The following ZFPM1 variants were observed in gnomAD, a reference collection of about 807,000 sequenced individuals.
The protein encoded by ZFPM1 is zinc finger protein, FOG family member 1, also known as zinc finger protein ZFPM1.
Under a neutral mutation model 46.3 loss-of-function variants are expected in ZFPM1, and 28 were observed. That is an observed-to-expected ratio of 0.60 (90% CI 0.45 to 0.83). The LOEUF is 0.83. ZFPM1 is among the 40% of genes least tolerant of loss of function. The pLI is 0.00. For synonymous variants in ZFPM1, 957 were observed against 675.9 expected, an observed-to-expected ratio of 1.42 and a Z score of -6.45; for missense variants, 1,878 against 1,432.4, an observed-to-expected ratio of 1.31 and a Z score of -5.02.
In ZFPM1 at chr16:88,534,656, C is replaced by T; in HGVS notation, c.2698C>T (p.Pro900Ser). ...VEARTPADRG[P>S]SPAPAPAASP... Reference sequence around the variant, plus strand: ...GGCCCGGACGCCGGCCGACCGCGGCCCCTCGCCCGCTCCCGCCCCCGCCGC... The same window carrying T: ...GGCCCGGACGCCGGCCGACCGCGGCTCCTCGCCCGCTCCCGCCCCCGCCGC... Residue 900 changes from proline (P) to serine (S), a missense_variant, in exon 10 of 10, where the codon CCC becomes TCC. Coordinates refer to ENST00000319555, the MANE Select transcript of ZFPM1 (RefSeq NM_153813.3). 3.0e-6 allele frequency: 3 copies of T among 1,010,672 alleles called. No individual in the cohort carries two copies. The East Asian group carries it at 3.0e-4, about 102-fold the overall frequency. The allele number at this position is 1,010,672 out of a possible 1,614,324, so 62.6% of individuals were successfully genotyped here.
rs114818663 is a variant in ZFPM1 at position 88,471,698 on chromosome 16, C to G, written c.41-14241C>G. Reference sequence around the variant, plus strand: ...CACACACAGTGGAGGGGTCAGGGCTCCCGGCTCTAAAGCCACATGGCCTGG... The same window carrying G: ...CACACACAGTGGAGGGGTCAGGGCTGCCGGCTCTAAAGCCACATGGCCTGG... On this transcript the variant is annotated intron_variant, in intron 1 of 9. Transcript: ENST00000319555. This position sits in a 1 kb window ranked among gnomAD's most constrained non-coding sequence, Gnocchi z 4.1. Among the ~76,000 whole-genome samples, 763 of 152,366 alleles carry G rather than the reference C, an allele frequency of 5.0e-3. 6 individuals carry two copies. Among genetic ancestry groups the G allele is most frequent in the African/African-American group, 0.017 (715 of 41,582 alleles).
At position 88,532,554 on chromosome 16, in the gene ZFPM1, T is replaced by A. The variant is rs1303486601; in HGVS notation, c.947-60T>A. The A allele has an allele frequency of 2.0e-6, 3 of 1,516,074 alleles. No individual in the cohort carries two copies. The African/African-American group carries it at 4.1e-5, about 21-fold the overall frequency. The allele number at this position is 1,516,074 out of a possible 1,614,324, so 93.9% of individuals were successfully genotyped here. On this transcript the variant is annotated intron_variant, in intron 7 of 9. Coordinates refer to ENST00000319555, the MANE Select transcript of ZFPM1 (RefSeq NM_153813.3). The stretch of plus-strand genomic sequence containing the variant: ...GCCCTGGGCCCAGTCGCCTTCCTCA[T>A]CCCTGGAGTCCCAAGGTTAAGCTGG...
chr16:88,523,931 G>A (rs1223560834), intron 4 of ZFPM1, among the ~76,000 whole-genome samples: 1 of 152,310 alleles, frequency 6.6e-6, no homozygotes, highest in South Asian at 2.1e-4. Flanking sequence ...CGGGAACATG[G>A]CGCCTGCCCT....
intron 1 of ZFPM1, among the ~76,000 whole-genome samples, chr16:88,485,315 C>G (rs1909158806): frequency 6.6e-6 from 1 of 152,148 alleles, no homozygotes; most frequent in African/African-American, 2.4e-5. Context: ...CGGCCCTTCT[C>G]TGGCAAGAGT....
At chr16:88,453,097 G>A (rs955061907), upstream of ZFPM1, among the ~76,000 whole-genome samples, 1 of 150,478 alleles carries the variant, frequency 6.6e-6, no homozygotes, top group Non-Finnish European at 1.5e-5. Flanking sequence ...CGCGGTCGCG[G>A]CTCTGGGGGC....
intron 1 of ZFPM1, among the ~76,000 whole-genome samples, chr16:88,461,219 G>A (rs1907864957): frequency 7.2e-6 from 1 of 138,554 alleles, no homozygotes; most frequent in African/African-American, 3.1e-5. Context: ...AGGGGCGGGA[G>A]GCCTGGTGAG....
chr16:88,483,407 C>A (rs1468435032), intron 1 of ZFPM1, among the ~76,000 whole-genome samples: 1 of 152,168 alleles, frequency 6.6e-6, no homozygotes, highest in Non-Finnish European at 1.5e-5. Flanking sequence ...ACACCCTGGC[C>A]CCCGACCTCC....
chr16:88,519,040 G>GGATGCATA (rs1419458223), intron 4 of ZFPM1, among the ~76,000 whole-genome samples: 26 of 134,152 alleles, frequency 1.9e-4, no homozygotes, highest in African/African-American at 7.5e-4. Flanking sequence ...ATGGATGGGT[G>GGATGCATA]GATGGATAGA....
intron 4 of ZFPM1, among the ~76,000 whole-genome samples, chr16:88,520,476 G>A (rs1209353931): frequency 6.7e-6 from 1 of 149,480 alleles, no homozygotes; most frequent in African/African-American, 2.5e-5. Flanking sequence ...ATGGACAGAT[G>A]TATGGGTGGA....
chr16:88,527,940 C>T (rs894153013), intron 5 of ZFPM1, 92 bp from the exon 6 acceptor site: 36 of 1,307,926 alleles, frequency 2.8e-5, no homozygotes, highest in Non-Finnish European at 3.4e-5. Flanking sequence ...CCCGGGTGGC[C>T]GCTCTCCTGA....
Position 88,469,075 on chromosome 16 carries a change from GA to G in ZFPM1, c.40+15398del, listed in dbSNP as rs1298897361. The G allele has an allele frequency of 9.1e-5, 14 of 154,440 alleles. No homozygotes were observed. In the East Asian group the frequency reaches 2.7e-3, roughly 30 times the overall value. The allele number at this position is 154,440 out of a possible 1,614,324, so 9.6% of individuals were successfully genotyped here. On this transcript the variant is annotated intron_variant, in intron 1 of 9. Transcript: ENST00000319555. The surrounding 1 kb of genome is among the most constrained non-coding windows in gnomAD (Gnocchi z 4.3). ...GGAGTGCAGCCAGCAGCCACTCCCA[GA>G]TGGGAACAGCGAGTTTCACAACCCG...
chr16:88,519,935 GTGGATGGATGGATGAATGGATGGA>G (rs1911697410), intron 4 of ZFPM1, among the ~76,000 whole-genome samples: 1 of 149,542 alleles, frequency 6.7e-6, no homozygotes, highest in Admixed American at 6.6e-5. Flanking sequence ...AGATGGATGA[GTGGATGGATGGATGAATGGATGGA>G]TGGATGGATG....
At chr16:88,461,178 A>AGGGGT (rs1907855264) in intron 1 of ZFPM1, among the ~76,000 whole-genome samples, 13 of 27,658 alleles carry the variant, frequency 4.7e-4, no homozygotes, top group South Asian at 1.4e-3. Flanking sequence ...GTGAGGACCG[A>AGGGGT]GGGGCGGGGC....
intron 1 of ZFPM1, among the ~76,000 whole-genome samples, chr16:88,454,290 G>A (rs1257974504): frequency 6.6e-6 from 1 of 152,172 alleles, no homozygotes; most frequent in East Asian, 1.9e-4. Context: ...AGCTGCCGCA[G>A]CCTAGGCACT....
Position 88,534,577 on chromosome 16 carries a change from C to T in ZFPM1, c.2619C>T (p.Phe873=), listed in dbSNP as rs1234692310. Residue 873 remains phenylalanine, a synonymous_variant, in exon 10 of 10, where the codon TTC becomes TTT. Transcript: ENST00000319555. ...GPVRGDLLEH[F]RLAHGLLLGA... ...TGCGCGGGGACCTGCTGGAGCATTT[C>T]CGCCTGGCGCACGGCCTGCTGCTCG... is the stretch of plus-strand genomic sequence containing the variant. 2.6e-5 allele frequency: 34 copies of T among 1,289,576 alleles called. No homozygotes were observed. Among genetic ancestry groups the T allele is most frequent in the Non-Finnish European group, 3.3e-5 (34 of 1,017,422 alleles). The allele number at this position is 1,289,576 out of a possible 1,614,324, so 79.9% of individuals were successfully genotyped here. A position where few individuals can be genotyped will look rare whatever the true frequency, so the allele number is the denominator to read the frequency against.
chr16:88,472,123 C>G (rs1403545381), intron 1 of ZFPM1, among the ~76,000 whole-genome samples: 1 of 152,262 alleles, frequency 6.6e-6, no homozygotes, highest in East Asian at 1.9e-4. Flanking sequence ...GGACCCAGTT[C>G]GTGGAGGGGG....
Position 88,455,544 on chromosome 16 carries a change from C to T in ZFPM1, c.40+1866C>T, listed in dbSNP as rs532505150. 7.4e-3 allele frequency among the ~76,000 whole-genome samples: 1,114 copies of T among 149,696 alleles called. 12 individuals carry two copies. The highest frequency in any genetic ancestry group is 0.026 in the African/African-American group (1,053 of 40,688). ...CGCCCGCCCGCCCTCTTGCCAGCGC[C>T]TGTGCCTGCCCGCTGCCCTGGCCTC... is the stretch of plus-strand genomic sequence containing the variant. On this transcript the variant is annotated intron_variant, in intron 1 of 9. Coordinates refer to ENST00000319555, the MANE Select transcript of ZFPM1 (RefSeq NM_153813.3).
rs752433684 is a variant in ZFPM1, at chr16:88,534,505, C to G, written c.2547C>G (p.Leu849=). 1.4e-6 allele frequency: 2 copies of G among 1,452,944 alleles called. No homozygotes were observed. Among genetic ancestry groups the G allele is most frequent in the Non-Finnish European group, 1.8e-6 (2 of 1,106,814 alleles). The allele number at this position is 1,452,944 out of a possible 1,614,324, so 90.0% of individuals were successfully genotyped here. The part of the protein sequence containing the change: ...SCPAAPPPGA[L]GLPAAACPYC... ...CCGCTGCGCCACCGCCCGGCGCGCT[C>G]GGCCTGCCCGCCGCCGCCTGCCCCT... Residue 849 remains leucine, a synonymous_variant, in exon 10 of 10, where the codon CTC becomes CTG. Coordinates refer to ENST00000319555, the MANE Select transcript of ZFPM1 (RefSeq NM_153813.3).
In ZFPM1 at chr16:88,514,437, C is replaced by A; in HGVS notation, c.319C>A (p.Leu107Ile). Residue 107 changes from leucine (L) to isoleucine (I), a missense_variant, in exon 4 of 10, where the codon CTC (leucine) becomes ATC (isoleucine). Leu to Ile is a conservative substitution (Grantham distance 5). Coordinates refer to ENST00000319555, the MANE Select transcript of ZFPM1 (RefSeq NM_153813.3). ...TGGGCAGAGGCGCATACGGGCCCGA[C>A]TCAGCCTCGCCACGGGCCTGTCCTG... is the stretch of plus-strand genomic sequence containing the variant. Reference protein sequence around the residue: ...QDGQRRIRARLSLATGLSWGP... With the variant: ...QDGQRRIRARISLATGLSWGP... 6.4e-7 allele frequency: 1 copy of A among 1,558,304 alleles called. No homozygotes were observed.
Sources: allele counts gnomAD v4.1 joint callset (sites outside exome capture counted in the v4.1 genomes callset), GRCh38; gene constraint gnomAD v4.1.1; non-coding constraint Gnocchi (gnomAD v3.1); transcripts MANE v1.5; gene names NCBI Gene and HGNC (gene_info 2026-07-23, HGNC 2026-07-21).